The following DMXL1 variants were observed in gnomAD, a reference collection of about 807,000 sequenced individuals.
The protein encoded by DMXL1 is Dmx like 1.
In DMXL1, 99 loss-of-function variants were observed where a neutral mutation model predicts 319.2. The observed-to-expected ratio is 0.31, with a 90% CI of 0.26 to 0.37. The LOEUF (loss-of-function observed/expected upper bound fraction) is 0.37, where lower values mean the gene tolerates loss of function less well. DMXL1 is among the 10% of genes least tolerant of loss of function. DMXL1 has a pLI of 1.00. For missense variants in DMXL1, 3,745 were observed against 3,595.6 expected (o/e 1.04, Z -1.06); for synonymous variants, 1,385 against 1,235.2 (o/e 1.12, Z -2.54).
At chr5:119,123,109 C>T (rs763968642) in intron 9 of DMXL1, among the ~76,000 whole-genome samples, 3 of 152,004 alleles carry the variant, frequency 2.0e-5, no homozygotes, top group Admixed American at 6.6e-5. Context: ...GAGACCGGCC[C>T]GGCCAACACA....
At position 119,150,428 on chromosome 5, in the gene DMXL1, C is replaced by CT. The variant is rs767130444; in HGVS notation, c.4594+8dup. The CT allele has an allele frequency of 1.0e-5, 16 of 1,605,864 alleles. No individual in the cohort carries two copies. In the African/African-American group the frequency reaches 2.0e-4, roughly 20 times the overall value. Reference sequence around the variant, plus strand: ...AGCCGAGACAGAAGCCAAGGTAAAACTAAACTCCGTACTGATAACATTTTT... The same window carrying CT: ...AGCCGAGACAGAAGCCAAGGTAAAACTTAAACTCCGTACTGATAACATTTTT... On this transcript the variant is annotated splice_region_variant and intron_variant, in intron 18 of 43. Transcript: ENST00000539542.
intron 6 of DMXL1, among the ~76,000 whole-genome samples, chr5:119,114,822 C>G (rs142459694): frequency 6.6e-6 from 1 of 152,262 alleles, no homozygotes; most frequent in Non-Finnish European, 1.5e-5. Context: ...CCCCACACCA[C>G]TATGCCCGTC....
Position 119,110,253 on chromosome 5 carries a change from T to G in DMXL1, c.467T>G (p.Phe156Cys). Reference sequence around the variant, plus strand: ...AATTTAAATAAAACAGATCTTAACTTTGGAGATTGGAAATGCATTTGGCAT... The same window carrying G: ...AATTTAAATAAAACAGATCTTAACTGTGGAGATTGGAAATGCATTTGGCAT... ...DENLNKTDLNFGDWKCIWHCK... is the reference protein window; with the variant it reads ...DENLNKTDLNCGDWKCIWHCK... The change falls in exon 5 of 44, where the codon TTT becomes TGT. Residue 156 changes from phenylalanine (F) to cysteine (C), a missense_variant. By Grantham distance (205) the Phe-to-Cys change is radical. Around this residue, in one of 4 missense-constraint regions of DMXL1, gnomAD observed 2,096 missense variants for 1,985.4 expected, o/e 1.06. Coordinates refer to ENST00000539542, the MANE Select transcript of DMXL1 (RefSeq NM_001290321.3). 6.3e-7 allele frequency: 1 copy of G among 1,576,666 alleles called. No individual in the cohort carries two copies. The highest frequency in any genetic ancestry group is 8.6e-7 in the Non-Finnish European group (1 of 1,169,006).
At chr5:119,144,057 C>T (rs557453637) in intron 14 of DMXL1, 127 bp downstream of exon 14, 1 of 593,918 alleles carries the variant, frequency 1.7e-6, no homozygotes, top group African/African-American at 2.0e-5. Context: ...GTAATTAACT[C>T]ATCACATAAT....
Position 119,167,659 on chromosome 5 carries a change from T to G in DMXL1, c.5193T>G (p.Tyr1731Ter). Residue 1731 changes from tyrosine to a stop codon, truncating the protein, a stop_gained, in exon 23 of 44, where the codon TAT becomes TAG. Transcript: ENST00000539542. LOFTEE classifies it high-confidence loss of function. ...IQLALVIARLYESEFDTSAAY... is the reference protein window; with the variant it reads ...IQLALVIARL Reference sequence around the variant, plus strand: ...TGGCTCTTGTAATAGCAAGACTCTATGAGTCTGAATTTGATACATCTGCAG... The same window carrying G: ...TGGCTCTTGTAATAGCAAGACTCTAGGAGTCTGAATTTGATACATCTGCAG... The G allele has an allele frequency of 6.2e-7, 1 of 1,609,574 alleles. No homozygotes were observed. The highest frequency in any genetic ancestry group is 8.5e-7 in the Non-Finnish European group (1 of 1,176,288).
intron 38 of DMXL1, among the ~76,000 whole-genome samples, chr5:119,227,754 A>C (rs561214175): frequency 6.6e-6 from 1 of 152,140 alleles, no homozygotes; most frequent in Non-Finnish European, 1.5e-5. Context: ...GATGTTTCCA[A>C]TTATGTCCTG....
At chr5:119,150,456 T>C in intron 18 of DMXL1, 35 bp downstream of exon 18, 1 of 1,544,608 alleles carries the variant, frequency 6.5e-7, no homozygotes. Flanking sequence ...ACATTTTTAC[T>C]TACTTTCACA....
At chr5:119,126,534 A>G (rs1205353842) in intron 9 of DMXL1, among the ~76,000 whole-genome samples, 1 of 152,206 alleles carries the variant, frequency 6.6e-6, no homozygotes, top group Non-Finnish European at 1.5e-5. Flanking sequence ...AAGAAAATGT[A>G]GGAAGTGTAC....
chr5:119,229,496 A>C (rs1639863157), intron 38 of DMXL1, among the ~76,000 whole-genome samples: 1 of 152,094 alleles, frequency 6.6e-6, no homozygotes, highest in African/African-American at 2.4e-5. Flanking sequence ...TATTTTTCCA[A>C]ATTCCTCTTA....
chr5:119,199,513 C>G (rs1780288232), intron 32 of DMXL1, among the ~76,000 whole-genome samples: 1 of 152,118 alleles, frequency 6.6e-6, no homozygotes, highest in African/African-American at 2.4e-5. Context: ...GTGAATAATG[C>G]TGCAGCGAAC....
chr5:119,119,696 G>GA (rs1761612696), intron 8 of DMXL1, among the ~76,000 whole-genome samples: 1 of 151,960 alleles, frequency 6.6e-6, no homozygotes, highest in Non-Finnish European at 1.5e-5. Context: ...TTTTAGTAGG[G>GA]AGAGGGCTTT....
At chr5:119,099,276 T>A (rs1263610419) in intron 2 of DMXL1, among the ~76,000 whole-genome samples, 2 of 152,052 alleles carry the variant, frequency 1.3e-5, no homozygotes, top group Non-Finnish European at 2.9e-5. Context: ...AGTGGTGCAA[T>A]CTCAGCTCAC....
At position 119,196,458 on chromosome 5, in the gene DMXL1, TAATA is replaced by T. The variant is rs761783328; in HGVS notation, c.7543+7_7543+10del. The stretch of plus-strand genomic sequence containing the variant: ...CCTTCGCAGGTCATGATCTTGCAGG[TAATA>T]AATAGCTCAACATGAGCTAATGGTG... On this transcript the variant is annotated splice_donor_5th_base_variant and intron_variant, in intron 31 of 43. Coordinates refer to ENST00000539542, the MANE Select transcript of DMXL1 (RefSeq NM_001290321.3). 5 of 1,607,030 alleles carry T rather than the reference TAATA, an allele frequency of 3.1e-6. No individual in the cohort carries two copies. The highest frequency in any genetic ancestry group is 4.3e-6 in the Non-Finnish European group (5 of 1,174,078).
At chr5:119,166,832 C>T in intron 22 of DMXL1, 51 bp downstream of exon 22, 1 of 1,408,712 alleles carries the variant, frequency 7.1e-7, no homozygotes, top group Non-Finnish European at 9.6e-7. Context: ...TCTTTTAAAG[C>T]TCCTTAGTGC....
chr5:119,205,409 A>G, intron 33 of DMXL1, among the ~76,000 whole-genome samples: 1 of 152,132 alleles, frequency 6.6e-6, no homozygotes, highest in Middle Eastern at 3.2e-3. Context: ...TTGGAGTTTC[A>G]TGATATCTCA....
At chr5:119,186,196 GCT>G (rs1442941961) in intron 28 of DMXL1, among the ~76,000 whole-genome samples, 2 of 152,192 alleles carry the variant, frequency 1.3e-5, no homozygotes, top group Non-Finnish European at 2.9e-5. Context: ...CTCATGAATA[GCT>G]CTGTGGATAT....
chr5:119,149,990 C>T lies in DMXL1; in HGVS notation c.4163C>T (p.Ala1388Val). ...ASGSTTRDPQ[A>V]FNKAENTDYT... ...GGAAGCACTACCAGAGACCCCCAGGCATTCAACAAGGCTGAAAATACAGAT... is the reference window on the plus strand; with the variant it reads ...GGAAGCACTACCAGAGACCCCCAGGTATTCAACAAGGCTGAAAATACAGAT... Residue 1388 changes from alanine to valine, a missense_variant, in exon 18 of 44, where the codon GCA becomes GTA. This residue lies in a region of DMXL1 where 2,096 missense variants were observed against 1,985.4 expected (regional missense o/e 1.06). Transcript: ENST00000539542. 6.2e-7 allele frequency: 1 copy of T among 1,613,908 alleles called. No individual in the cohort carries two copies. Among genetic ancestry groups the T allele is most frequent in the Non-Finnish European group, 8.5e-7 (1 of 1,179,906 alleles).
chr5:119,105,665 G>A (rs1758174480), intron 4 of DMXL1, among the ~76,000 whole-genome samples: 2 of 152,160 alleles, frequency 1.3e-5, no homozygotes, highest in South Asian at 4.1e-4. Flanking sequence ...GGAGGCTGAG[G>A]TGGGCAGATC....
chr5:119,248,728 C>T lies in DMXL1; in HGVS notation c.*1509C>T, dbSNP rs1010044605. 1.3e-5 allele frequency: 2 copies of T among 152,360 alleles called. No homozygotes were observed. The highest frequency in any genetic ancestry group is 1.9e-4 in the East Asian group (1 of 5,196). The allele number at this position is 152,360 out of a possible 1,614,324, so 9.4% of individuals were successfully genotyped here. A position where few individuals can be genotyped will look rare whatever the true frequency, so the allele number is the denominator to read the frequency against. On this transcript the variant is annotated 3_prime_UTR_variant, in exon 44 of 44. Transcript: ENST00000539542. ...GTTAAAGATTTTGTAAATTGTATTT[C>T]AACAATTTTAAATGTGTTGAGCAAG...
Sources: allele counts gnomAD v4.1 joint callset (sites outside exome capture counted in the v4.1 genomes callset), GRCh38; gene constraint gnomAD v4.1.1; regional missense constraint gnomAD v4.1.1; transcripts MANE v1.5; gene names NCBI Gene and HGNC (gene_info 2026-07-23, HGNC 2026-07-21).